Variants in CNTNAP2 observed in about 807,000 individuals in gnomAD.
CNTNAP2 encodes the protein contactin associated protein 2, also known as contactin-associated protein-like 2.
In CNTNAP2, 98 loss-of-function variants were observed where a neutral mutation model predicts 155.2. The observed-to-expected ratio is 0.63, with a 90% CI of 0.54 to 0.75. CNTNAP2 has a LOEUF of 0.75. Among genes scored for constraint, CNTNAP2 ranks in the 30% least tolerant of loss-of-function variants. The pLI is 0.00. For missense variants in CNTNAP2, 1,727 were observed against 1,688.1 expected (o/e 1.02, Z -0.40); for synonymous variants, 651 against 631.2 (o/e 1.03, Z -0.47).
intron 3 of CNTNAP2, among the ~76,000 whole-genome samples, chr7:147,000,912 T>C (rs1208347182): frequency 6.6e-6 from 1 of 152,020 alleles, no homozygotes; most frequent in Non-Finnish European, 1.5e-5. Context: ...GGCCTGGGGG[T>C]TCCTATCTTG....
chr7:146,885,623 A>G (rs908457917), intron 3 of CNTNAP2, among the ~76,000 whole-genome samples: 1 of 152,184 alleles, frequency 6.6e-6, no homozygotes, highest in African/African-American at 2.4e-5. Flanking sequence ...TCTTACAGAG[A>G]AAGTTTCAGC....
intron 15 of CNTNAP2, among the ~76,000 whole-genome samples, chr7:148,036,886 T>G (rs1363668544): frequency 6.6e-6 from 1 of 152,144 alleles, no homozygotes; most frequent in Non-Finnish European, 1.5e-5. Context: ...AAGCCAACTT[T>G]ATGTGTTTTT....
At chr7:148,403,310 G>A (rs1034865) in intron 22 of CNTNAP2, among the ~76,000 whole-genome samples, 44,128 of 151,260 alleles carry the variant, frequency 0.29, 7,444 homozygotes, top group African/African-American at 0.45. Context: ...ACACACAAGG[G>A]CACGTGCAAG....
At chr7:147,026,926 A>G (rs1292378185) in intron 3 of CNTNAP2, among the ~76,000 whole-genome samples, 1 of 151,194 alleles carries the variant, frequency 6.6e-6, no homozygotes, top group East Asian at 1.9e-4. Flanking sequence ...AAAAAAAAAA[A>G]AAGTCCTTAA....
chr7:147,184,450 G>C (rs1369678432), intron 8 of CNTNAP2, among the ~76,000 whole-genome samples: 2 of 152,148 alleles, frequency 1.3e-5, no homozygotes, highest in Non-Finnish European at 2.9e-5. Flanking sequence ...TAGAACTCTT[G>C]TATACTTATA....
chr7:146,405,620 C>T (rs987863641), intron 1 of CNTNAP2, among the ~76,000 whole-genome samples: 1 of 152,080 alleles, frequency 6.6e-6, no homozygotes, highest in Non-Finnish European at 1.5e-5. Flanking sequence ...AAAACAAATA[C>T]GTAACAGGTA....
chr7:146,747,291 G>GA (rs374220629), intron 1 of CNTNAP2, among the ~76,000 whole-genome samples: 2 of 152,052 alleles, frequency 1.3e-5, no homozygotes, highest in African/African-American at 2.4e-5. Flanking sequence ...ACTTTTCAGA[G>GA]AAAAAATAAA....
At chr7:146,497,321 C>G (rs1797233234) in intron 1 of CNTNAP2, among the ~76,000 whole-genome samples, 2 of 150,244 alleles carry the variant, frequency 1.3e-5, no homozygotes, top group South Asian at 4.2e-4. Flanking sequence ...CATTGTTTAT[C>G]TATCTATATC....
At chr7:147,520,178 C>T (rs1164585824) in intron 11 of CNTNAP2, among the ~76,000 whole-genome samples, 1 of 152,198 alleles carries the variant, frequency 6.6e-6, no homozygotes, top group South Asian at 2.1e-4. Flanking sequence ...TTCTTATGAA[C>T]ACGAATACTT....
At chr7:147,548,921 T>C (rs1405203938) in intron 11 of CNTNAP2, among the ~76,000 whole-genome samples, 1 of 152,184 alleles carries the variant, frequency 6.6e-6, no homozygotes, top group Non-Finnish European at 1.5e-5. Flanking sequence ...CTTGTAGATG[T>C]ATGGTGTTAT....
intron 1 of CNTNAP2, among the ~76,000 whole-genome samples, chr7:146,354,301 T>G (rs1197150877): frequency 1.3e-5 from 2 of 152,186 alleles, no homozygotes; most frequent in African/African-American, 2.4e-5. Flanking sequence ...TACATAAAAT[T>G]AAACTTGAAA....
chr7:146,895,181 C>T (rs565481939), intron 3 of CNTNAP2, among the ~76,000 whole-genome samples: 1 of 151,136 alleles, frequency 6.6e-6, no homozygotes, highest in Non-Finnish European at 1.5e-5. Flanking sequence ...AGCCTTCTTT[C>T]CCTCCCTTCC....
chr7:146,344,860 G>C (rs549485377), intron 1 of CNTNAP2, among the ~76,000 whole-genome samples: 1 of 152,078 alleles, frequency 6.6e-6, no homozygotes, highest in Non-Finnish European at 1.5e-5. Context: ...AACATTTAGA[G>C]AAAACACCAA....
intron 11 of CNTNAP2, among the ~76,000 whole-genome samples, chr7:147,505,041 A>G (rs572850010): frequency 6.6e-6 from 1 of 152,134 alleles, no homozygotes; most frequent in South Asian, 2.1e-4. Flanking sequence ...CATTCATAAA[A>G]CACTAGTATG....
chr7:146,781,088 C>T (rs1418103455), intron 2 of CNTNAP2, among the ~76,000 whole-genome samples: 1 of 152,022 alleles, frequency 6.6e-6, no homozygotes, highest in East Asian at 1.9e-4. Flanking sequence ...ATTAGCCGGG[C>T]GTGGTGGCTG....
intron 1 of CNTNAP2, among the ~76,000 whole-genome samples, chr7:146,744,733 G>A (rs768742960): frequency 2.0e-5 from 3 of 152,060 alleles, no homozygotes; most frequent in Non-Finnish European, 2.9e-5. Flanking sequence ...GGTGGTAAAT[G>A]TTTCTAGAGG....
chr7:147,386,921 T>A (rs1375074935), intron 9 of CNTNAP2, among the ~76,000 whole-genome samples: 1 of 152,238 alleles, frequency 6.6e-6, no homozygotes, highest in Admixed American at 6.5e-5. Flanking sequence ...CAGTTCCATG[T>A]GGCTAGGTAA....
intron 13 of CNTNAP2, among the ~76,000 whole-genome samples, chr7:147,855,169 A>G (rs985162218): frequency 5.3e-5 from 8 of 152,082 alleles, no homozygotes; most frequent in African/African-American, 1.9e-4. Flanking sequence ...TTCACCCTCT[A>G]GTTGGTGTGT....
At chr7:147,120,941 A>T in intron 5 of CNTNAP2, 38 bp from the exon 6 acceptor site, 1 of 1,599,772 alleles carries the variant, frequency 6.3e-7, no homozygotes, top group East Asian at 2.2e-5. Flanking sequence ...TGGCCATAGC[A>T]TCATTGCATT....
Sources: gnomAD v4.1 joint callset for allele counts (sites outside exome capture counted in the v4.1 genomes callset) on GRCh38, gnomAD v4.1.1 for gene constraint, MANE v1.5 for transcripts, NCBI Gene and HGNC (gene_info 2026-07-23, HGNC 2026-07-21) for gene names.